Variants in RBFOX1 observed in about 807,000 individuals in gnomAD.
The protein encoded by RBFOX1 is RNA binding fox-1 homolog 1.
RBFOX1 carries 8 observed loss-of-function variants against 57.7 expected under a neutral mutation model. The observed-to-expected ratio is 0.14, with a 90% CI of 0.08 to 0.25. RBFOX1 has a LOEUF of 0.25. RBFOX1 is among the 10% of genes least tolerant of loss of function. The pLI is 1.00. For missense variants in RBFOX1, 611 were observed against 548.5 expected, an observed-to-expected ratio of 1.11 and a Z score of -1.14; for synonymous variants, 326 against 222.4, an observed-to-expected ratio of 1.47 and a Z score of -4.15.
intron 3 of RBFOX1, among the ~76,000 whole-genome samples, chr16:6,866,542 T>A (rs112456215): frequency 4.8e-5 from 2 of 41,430 alleles, no homozygotes; most frequent in Admixed American, 2.8e-4. Flanking sequence ...TTTCCTTCTA[T>A]TTTTTTTTTT....
At chr16:6,351,285 A>G (rs1039812212) in intron 2 of RBFOX1, among the ~76,000 whole-genome samples, 3 of 148,612 alleles carry the variant, frequency 2.0e-5, no homozygotes, top group Non-Finnish European at 4.5e-5. Flanking sequence ...AAGAATATAT[A>G]TAAAATAATA....
chr16:5,982,394 C>T (rs2060191800), intron 4 of RBFOX1, among the ~76,000 whole-genome samples: 1 of 152,130 alleles, frequency 6.6e-6, no homozygotes, highest in Non-Finnish European at 1.5e-5. Flanking sequence ...CCTTCCTCAG[C>T]CTCCCAAGTA....
At chr16:6,016,980 C>T (rs1596411141), upstream of RBFOX1, among the ~76,000 whole-genome samples, 1 of 152,308 alleles carries the variant, frequency 6.6e-6, no homozygotes, top group South Asian at 2.1e-4. Context: ...ATACAGGTAC[C>T]AGTGAGTCAT....
chr16:5,834,072 G>A (rs544073954), intron 3 of RBFOX1, among the ~76,000 whole-genome samples: 2 of 152,268 alleles, frequency 1.3e-5, no homozygotes, highest in South Asian at 2.1e-4. Context: ...TCACTTTTAG[G>A]TAGGCTTAGT....
intron 4 of RBFOX1, among the ~76,000 whole-genome samples, chr16:7,166,906 C>T (rs1279807887): frequency 7.1e-6 from 1 of 141,558 alleles, no homozygotes; most frequent in African/African-American, 2.7e-5. Context: ...GCCTTGCTCT[C>T]ATTTGAGTTT....
intron 1 of RBFOX1, among the ~76,000 whole-genome samples, chr16:5,264,208 G>C (rs1393684250): frequency 1.3e-5 from 2 of 152,112 alleles, no homozygotes; most frequent in Admixed American, 6.5e-5. Flanking sequence ...TTAGGTCTCG[G>C]GGCCAGAGAG....
chr16:6,894,040 T>G (rs1167185100), intron 3 of RBFOX1, among the ~76,000 whole-genome samples: 1 of 152,196 alleles, frequency 6.6e-6, no homozygotes, highest in East Asian at 1.9e-4. Flanking sequence ...TTATATGGGT[T>G]TTCTTCCTTT....
chr16:7,031,723 T>A (rs943752492), intron 3 of RBFOX1, among the ~76,000 whole-genome samples: 2 of 152,198 alleles, frequency 1.3e-5, no homozygotes, highest in African/African-American at 2.4e-5. Context: ...TTGTGATTTT[T>A]AAAATACTAT....
chr16:5,450,240 C>A (rs926291799), intron 1 of RBFOX1, among the ~76,000 whole-genome samples: 1 of 152,170 alleles, frequency 6.6e-6, no homozygotes, highest in African/African-American at 2.4e-5. Context: ...CTGACACATT[C>A]CACCTTGAAG....
intron 2 of RBFOX1, among the ~76,000 whole-genome samples, chr16:5,477,976 C>A (rs536588038): frequency 3.9e-5 from 6 of 152,250 alleles, no homozygotes; most frequent in East Asian, 1.9e-4. Context: ...CCGTGGCCCA[C>A]CTCACTCCCC....
chr16:6,877,788 G>A (rs2062117541), intron 3 of RBFOX1, among the ~76,000 whole-genome samples: 1 of 151,936 alleles, frequency 6.6e-6, no homozygotes, highest in African/African-American at 2.4e-5. Flanking sequence ...AACGCATGCA[G>A]TTACATTTTG....
intron 1 of RBFOX1, among the ~76,000 whole-genome samples, chr16:6,192,462 C>T (rs547238417): frequency 1.3e-5 from 2 of 152,044 alleles, no homozygotes; most frequent in East Asian, 1.9e-4. Flanking sequence ...TCTTCCTTCC[C>T]TCTCCATTTT....
intron 2 of RBFOX1, among the ~76,000 whole-genome samples, chr16:5,476,859 A>T (rs1201018446): frequency 6.6e-6 from 1 of 152,142 alleles, no homozygotes; most frequent in Non-Finnish European, 1.5e-5. Context: ...CAGCCCTCCA[A>T]GTTAACCTTT....
chr16:6,370,432 G>C (rs2090265045), intron 2 of RBFOX1, among the ~76,000 whole-genome samples: 1 of 142,794 alleles, frequency 7.0e-6, no homozygotes, highest in African/African-American at 2.6e-5. Flanking sequence ...CACCTGAAGA[G>C]AGCCCTTCAA....
chr16:7,414,986 G>A (rs2098464832), intron 4 of RBFOX1, among the ~76,000 whole-genome samples: 2 of 152,206 alleles, frequency 1.3e-5, no homozygotes, highest in Non-Finnish European at 2.9e-5. Flanking sequence ...CAGATGAGGG[G>A]AGTTGTGAGG....
chr16:6,814,038 A>G (rs1215093227), intron 3 of RBFOX1, among the ~76,000 whole-genome samples: 1 of 151,774 alleles, frequency 6.6e-6, no homozygotes, highest in African/African-American at 2.4e-5. Context: ...ATTAGATTCA[A>G]ACATAACAAC....
intron 4 of RBFOX1, among the ~76,000 whole-genome samples, chr16:7,491,361 C>A (rs191768464): frequency 9.5e-6 from 1 of 104,792 alleles, no homozygotes; most frequent in Non-Finnish European, 2.3e-5. Flanking sequence ...TAGTAAGGGA[C>A]TCTTCTTGGG....
At chr16:5,404,356 C>G (rs149012013) in intron 1 of RBFOX1, among the ~76,000 whole-genome samples, 1 of 152,220 alleles carries the variant, frequency 6.6e-6, no homozygotes, top group East Asian at 1.9e-4. Context: ...TAGCAGGAGT[C>G]CCTCCAAATG....
intron 3 of RBFOX1, among the ~76,000 whole-genome samples, chr16:6,658,935 T>G (rs934668812): frequency 6.0e-5 from 8 of 134,212 alleles, no homozygotes; most frequent in African/African-American, 2.2e-4. Flanking sequence ...TTGGTTTTTT[T>G]GTTTTTTTTG....
Sources: gnomAD v4.1 joint callset for allele counts (sites outside exome capture counted in the v4.1 genomes callset) on GRCh38, gnomAD v4.1.1 for gene constraint, MANE v1.5 for transcripts, NCBI Gene and HGNC (gene_info 2026-07-23, HGNC 2026-07-21) for gene names.